PLEKHG2: variants seen among roughly 807,000 people sequenced by gnomAD.
PLEKHG2 encodes the protein pleckstrin homology domain-containing family G member 2.
PLEKHG2 carries 71 observed loss-of-function variants against 104.4 expected under a neutral mutation model. The observed-to-expected ratio is 0.68, with a 90% CI of 0.56 to 0.83. The LOEUF (loss-of-function observed/expected upper bound fraction) is 0.83. PLEKHG2 is among the 40% of genes least tolerant of loss of function. The probability of loss-of-function intolerance (pLI) is 0.00; values close to 1 mark genes in which losing one functional copy is unlikely to be tolerated. For synonymous variants in PLEKHG2, 728 were observed against 737.0 expected, an observed-to-expected ratio of 0.99 and a Z score of 0.20; for missense variants, 1,730 against 1,809.4, an observed-to-expected ratio of 0.96 and a Z score of 0.80.
Position 39,416,246 on chromosome 19 carries a change from G to GC in PLEKHG2, c.480-97dup. On this transcript the variant is annotated intron_variant, in intron 4 of 18. Transcript: ENST00000425673. This position sits in a 1 kb window ranked among gnomAD's most constrained non-coding sequence, Gnocchi z 4.5. ...CTTAGGAGATGCTGGCAGTCAGCAA[G>GC]CCCCCAGCCCCAGCAGACCATTGGG... 1 of 1,169,272 alleles carries GC rather than the reference G, an allele frequency of 8.6e-7. No individual in the cohort carries two copies. Among genetic ancestry groups the GC allele is most frequent in the Non-Finnish European group, 1.3e-6 (1 of 792,752 alleles). The allele number at this position is 1,169,272 out of a possible 1,614,324, so 72.4% of individuals were successfully genotyped here. A position where few individuals can be genotyped will look rare whatever the true frequency, so the allele number is the denominator to read the frequency against.
At position 39,415,400 on chromosome 19, in the gene PLEKHG2, C is replaced by A; in HGVS notation, c.440C>A (p.Thr147Lys). 3 of 1,614,086 alleles carry A rather than the reference C, an allele frequency of 1.9e-6. No homozygotes were observed. Among genetic ancestry groups the A allele is most frequent in the East Asian group, 2.2e-5 (1 of 44,882 alleles). ...GGGCTGAGCGTGGAGCAGGTGGGCA[C>A]GCTGTTTGCCAACATTGAGGACATC... ...VLGLSVEQVG[T>K]LFANIEDIYE... The change falls in exon 4 of 19, where the codon ACG becomes AAG. Residue 147 changes from threonine (T) to lysine (K), a missense_variant. Thr to Lys is a moderately conservative substitution (Grantham distance 78). Coordinates refer to ENST00000425673, the MANE Select transcript of PLEKHG2 (RefSeq NM_022835.3). The surrounding 1 kb of genome is among the most constrained non-coding windows in gnomAD (Gnocchi z 4.6).
In PLEKHG2 at chr19:39,427,824, C is replaced by A. The variant is rs1016767504; in HGVS notation, c.*2530C>A. 4.6e-5 allele frequency: 7 copies of A among 152,990 alleles called. No individual in the cohort carries two copies. The Admixed American group carries it at 4.6e-4, about 10-fold the overall frequency. 9.5% of individuals were successfully genotyped at this position (152,990 alleles called of 1,614,324 possible). On this transcript the variant is annotated 3_prime_UTR_variant, in exon 19 of 19. Transcript: ENST00000425673. ...GGAAACTGAGGCAGGCACAGAGAGG[C>A]TAAGGGATTTGCCTAGTCGCACAGC... is the stretch of plus-strand genomic sequence containing the variant.
At position 39,421,299 on chromosome 19, in the gene PLEKHG2, G is replaced by A; in HGVS notation, c.1503G>A (p.Lys501=). 1 of 1,613,744 alleles carries A rather than the reference G, an allele frequency of 6.2e-7. No individual in the cohort carries two copies. Among genetic ancestry groups the A allele is most frequent in the Non-Finnish European group, 8.5e-7 (1 of 1,179,708 alleles). Residue 501 remains lysine (K), a splice_region_variant and synonymous_variant, in exon 16 of 19, where the codon AAG becomes AAA. Coordinates refer to ENST00000425673, the MANE Select transcript of PLEKHG2 (RefSeq NM_022835.3). The part of the protein sequence containing the change: ...MFPQNAKPGF[K]HAGSEGELYP... ...CATCCTTAGCTAAGCCTGGATTCAA[G>A]GTAAGAGATATCTCGAGATAGGGTC...
rs943567872 is a variant in PLEKHG2, at chr19:39,425,688, C to G, written c.*394C>G. The G allele has an allele frequency of 1.2e-5, 4 of 320,760 alleles. No homozygotes were observed. The highest frequency in any genetic ancestry group is 8.5e-5 in the African/African-American group (4 of 46,864). 19.9% of individuals were successfully genotyped at this position (320,760 alleles called of 1,614,324 possible). A position where few individuals can be genotyped will look rare whatever the true frequency, so the allele number is the denominator to read the frequency against. On this transcript the variant is annotated 3_prime_UTR_variant, in exon 19 of 19. Transcript: ENST00000425673. ...TGGCGTGTGTGTGAACTGCTTGATG[C>G]CCATCCAGGAAAGCCAAGTTAAGAA...
In PLEKHG2 at chr19:39,415,252, A is replaced by C; in HGVS notation, c.370A>C (p.Ile124Leu). The C allele has an allele frequency of 6.3e-7, 1 of 1,592,726 alleles. No homozygotes were observed. Among genetic ancestry groups the C allele is most frequent in the Non-Finnish European group, 8.6e-7 (1 of 1,169,052 alleles). ...GGCCTATGTCAGGGACCTCCGCAGC[A>C]TCGTGGAGGTAAGGCGGGCAGACAC... ...ERAYVRDLRS[I>L]VEDYLGPLLD... Residue 124 changes from isoleucine to leucine, a missense_variant, in exon 3 of 19, where the codon ATC becomes CTC. By Grantham distance (5) the Ile-to-Leu change is conservative (BLOSUM62 2). Transcript: ENST00000425673. This position sits in a 1 kb window ranked among gnomAD's most constrained non-coding sequence, Gnocchi z 4.6.
rs978203705 is a variant in PLEKHG2 at position 39,423,775 on chromosome 19, C to T, written c.2642C>T (p.Ala881Val). The change falls in exon 19 of 19, where the codon GCC becomes GTC. Residue 881 changes from alanine to valine, a missense_variant. Coordinates refer to ENST00000425673, the MANE Select transcript of PLEKHG2 (RefSeq NM_022835.3). ...GGACACGTGCTGGTATGTGAGCTGG[C>T]CTTCCCACTGACATGTGCCCAGGAG... ...AFGHVLVCELAFPLTCAQESV... is the reference protein window; with the variant it reads ...AFGHVLVCELVFPLTCAQESV... 1.4e-5 allele frequency: 23 copies of T among 1,613,722 alleles called. No homozygotes were observed. Among genetic ancestry groups the T allele is most frequent in the Non-Finnish European group, 1.9e-5 (23 of 1,179,812 alleles).
intron 9 of PLEKHG2, 84 bp downstream of exon 9, chr19:39,418,189 GC>G: frequency 8.3e-7 from 1 of 1,203,334 alleles, no homozygotes; most frequent in Non-Finnish European, 1.1e-6. Flanking sequence ...GGCAGTGTGG[GC>G]CAGGGGACCC....
chr19:39,421,206 C>G, intron 15 of PLEKHG2, 77 bp from the exon 16 acceptor site: 1 of 1,612,510 alleles, frequency 6.2e-7, no homozygotes, highest in Non-Finnish European at 8.5e-7. Flanking sequence ...TGCTTCAGCT[C>G]ATCAGTTATG....
rs746405044 is a variant in PLEKHG2, at chr19:39,416,547, G to A, written c.547-4G>A. On this transcript the variant is annotated splice_polypyrimidine_tract_variant and splice_region_variant and intron_variant, in intron 5 of 18. Transcript: ENST00000425673. The surrounding 1 kb of genome is among the most constrained non-coding windows in gnomAD (Gnocchi z 4.5). ...GGTCTCCCTGACTCCCATGTCACCCGCAGAGCGAGGATTTTGACATCTACA... is the reference window on the plus strand; with the variant it reads ...GGTCTCCCTGACTCCCATGTCACCCACAGAGCGAGGATTTTGACATCTACA... 5.0e-6 allele frequency: 8 copies of A among 1,611,546 alleles called. No individual in the cohort carries two copies. The East Asian group carries it at 6.7e-5, about 14-fold the overall frequency.
rs2078751636 is a variant in PLEKHG2 at position 39,424,452 on chromosome 19, C to A, written c.3319C>A (p.Pro1107Thr). The A allele has an allele frequency of 4.3e-6, 7 of 1,614,030 alleles. No homozygotes were observed. In the South Asian group the frequency reaches 5.5e-5, roughly 13 times the overall value. The change falls in exon 19 of 19, where the codon CCA (proline) becomes ACA (threonine). Residue 1107 changes from proline (P) to threonine (T), a missense_variant. Pro to Thr is a conservative substitution (Grantham distance 38). Transcript: ENST00000425673. The part of the protein sequence containing the change: ...LPCHLPDLQI[P>T]GTSPLPAHGS... ...ATGTCACCTCCCAGACCTTCAGATT[C>A]CAGGTACCTCACCTTTGCCTGCACA...
chr19:39,418,012 A>G lies in PLEKHG2; in HGVS notation c.990A>G (p.Leu330=). ...GAGGCGGAGGGGGTGGCCCCCGGCT[A>G]CGAGGGGGTGAGCGGCTGCTCTTCC... ...FRGGGGGGPR[L]RGGERLLFLF... Residue 330 remains leucine (L), a synonymous_variant, in exon 9 of 19, where the codon CTA becomes CTG. Coordinates refer to ENST00000425673, the MANE Select transcript of PLEKHG2 (RefSeq NM_022835.3). 6.4e-7 allele frequency: 1 copy of G among 1,563,084 alleles called. No homozygotes were observed. Among genetic ancestry groups the G allele is most frequent in the Admixed American group, 1.9e-5 (1 of 52,898 alleles).
At position 39,425,314 on chromosome 19, in the gene PLEKHG2, C is replaced by G. The variant is rs1425735929; in HGVS notation, c.*20C>G. The G allele has an allele frequency of 2.5e-6, 4 of 1,590,326 alleles. No individual in the cohort carries two copies. The highest frequency in any genetic ancestry group is 3.4e-6 in the Non-Finnish European group (4 of 1,171,890). ...ATGTGAGCCAGGACATGAGGCTTCC[C>G]TGAAGCAAGGATTTCAGCCAGATGC... On this transcript the variant is annotated 3_prime_UTR_variant, in exon 19 of 19. Coordinates refer to ENST00000425673, the MANE Select transcript of PLEKHG2 (RefSeq NM_022835.3).
In PLEKHG2 at chr19:39,412,801, G is replaced by T. The variant is rs933126744; in HGVS notation, c.-634G>T. The stretch of plus-strand genomic sequence containing the variant: ...GAGACCCCGAGGTCCAGACCCCGGC[G>T]CCCAGGCTGGAGGACTTGAGCCATC... On this transcript the variant is annotated 5_prime_UTR_variant, in exon 1 of 19. Transcript: ENST00000425673. 6.6e-6 allele frequency: 1 copy of T among 152,124 alleles called. No individual in the cohort carries two copies. Among genetic ancestry groups the T allele is most frequent in the African/African-American group, 2.4e-5 (1 of 41,420 alleles). The allele number at this position is 152,124 out of a possible 1,614,324, so 9.4% of individuals were successfully genotyped here. A position where few individuals can be genotyped will look rare whatever the true frequency, so the allele number is the denominator to read the frequency against.
rs184519704 is a variant in PLEKHG2 at position 39,425,849 on chromosome 19, C to T, written c.*555C>T. 45 of 156,678 alleles carry T rather than the reference C, an allele frequency of 2.9e-4. No individual in the cohort carries two copies. The highest frequency in any genetic ancestry group is 9.1e-4 in the African/African-American group (38 of 41,744). The allele number at this position is 156,678 out of a possible 1,614,324, so 9.7% of individuals were successfully genotyped here. A position where few individuals can be genotyped will look rare whatever the true frequency, so the allele number is the denominator to read the frequency against. ...TGGCTATTGCTCCATCTAGCTTTCC[C>T]GCTCCATCTACCCATCTTCCAATCC... On this transcript the variant is annotated 3_prime_UTR_variant, in exon 19 of 19. Transcript: ENST00000425673.
Position 39,417,987 on chromosome 19 carries a change from G to C in PLEKHG2, c.965G>C (p.Gly322Ala). 1 of 1,552,494 alleles carries C rather than the reference G, an allele frequency of 6.4e-7. No individual in the cohort carries two copies. Among genetic ancestry groups the C allele is most frequent in the Non-Finnish European group, 8.7e-7 (1 of 1,150,760 alleles). Residue 322 changes from glycine to alanine, a missense_variant, in exon 9 of 19, where the codon GGA (glycine) becomes GCA (alanine). Transcript: ENST00000425673. ...CTGGTGTTGGAGGGCGCGTTCCGAG[G>C]AGGCGGAGGGGGTGGCCCCCGGCTA... ...GELVLEGAFRGGGGGGPRLRG... is the reference protein window; with the variant it reads ...GELVLEGAFRAGGGGGPRLRG...
At chr19:39,414,384 G>A (rs1215870975) in intron 2 of PLEKHG2, among the ~76,000 whole-genome samples, 189 bp downstream of exon 2, 2 of 152,250 alleles carry the variant, frequency 1.3e-5, no homozygotes, top group Non-Finnish European at 2.9e-5. Flanking sequence ...TCAGGGCTGT[G>A]ATCGTGGATC....
In PLEKHG2 at chr19:39,422,769, C is replaced by T. The variant is rs1201705226; in HGVS notation, c.1715C>T (p.Ser572Phe). The T allele has an allele frequency of 6.6e-7, 1 of 1,525,460 alleles. No individual in the cohort carries two copies. The highest frequency in any genetic ancestry group is 8.8e-7 in the Non-Finnish European group (1 of 1,139,442). The allele number at this position is 1,525,460 out of a possible 1,614,324, so 94.5% of individuals were successfully genotyped here. The stretch of plus-strand genomic sequence containing the variant: ...GACATTCCCAAGTTCCCCGGAGACT[C>T]CCAGGTGCCTGGCGACAGCGAAACC... ...THDIPKFPGD[S>F]QVPGDSETLT... Residue 572 changes from serine (S) to phenylalanine (F), a missense_variant, in exon 18 of 19, where the codon TCC (serine) becomes TTC (phenylalanine). Ser to Phe is a radical substitution (Grantham distance 155, BLOSUM62 -2). Coordinates refer to ENST00000425673, the MANE Select transcript of PLEKHG2 (RefSeq NM_022835.3).
At chr19:39,420,898 C>T in intron 13 of PLEKHG2, 46 bp downstream of exon 13, 1 of 1,614,020 alleles carries the variant, frequency 6.2e-7, no homozygotes, top group African/African-American at 1.3e-5. Context: ...CCCCACTTCC[C>T]TAGGACCCGG....
At position 39,416,835 on chromosome 19, in the gene PLEKHG2, G is replaced by C. The variant is rs2078612840; in HGVS notation, c.594-15G>C. 5.7e-6 allele frequency: 9 copies of C among 1,591,916 alleles called. No homozygotes were observed. The East Asian group carries it at 2.0e-4, about 36-fold the overall frequency. On this transcript the variant is annotated splice_polypyrimidine_tract_variant and intron_variant, in intron 6 of 18. Coordinates refer to ENST00000425673, the MANE Select transcript of PLEKHG2 (RefSeq NM_022835.3). This position sits in a 1 kb window ranked among gnomAD's most constrained non-coding sequence, Gnocchi z 4.5. ...TGGAACTGACAATCCCCACTGACCTGTGCTGTGCCCCCAGCTCCCTGGCCC... is the reference window on the plus strand; with the variant it reads ...TGGAACTGACAATCCCCACTGACCTCTGCTGTGCCCCCAGCTCCCTGGCCC...
Sources: allele counts gnomAD v4.1 joint callset (sites outside exome capture counted in the v4.1 genomes callset), GRCh38; gene constraint gnomAD v4.1.1; non-coding constraint Gnocchi (gnomAD v3.1); transcripts MANE v1.5; gene names NCBI Gene and HGNC (gene_info 2026-07-23, HGNC 2026-07-21).